The following MYT1L variants were observed in gnomAD, a reference collection of about 807,000 sequenced individuals.
MYT1L encodes the protein myelin transcription factor 1-like protein.
In MYT1L, 12 loss-of-function variants were observed where a neutral mutation model predicts 126.7. The ratio of observed to expected loss-of-function variants is 0.09; its 90% CI spans 0.06 to 0.15. The LOEUF is 0.15. Ranked by LOEUF, MYT1L falls within the 10% of genes least tolerant of loss-of-function variation. MYT1L has a pLI of 1.00. For missense variants in MYT1L, 979 were observed against 1,585.2 expected (o/e 0.62, Z 6.49); for synonymous variants, 541 against 604.2 (o/e 0.90, Z 1.53).
Position 1,808,411 on chromosome 2 carries a change from G to A in MYT1L, c.3172+665C>T, listed in dbSNP as rs76109720. Among the ~76,000 whole-genome samples the A allele has an allele frequency of 9.0e-3, 1,366 of 152,280 alleles. 16 individuals carry two copies. Among genetic ancestry groups the A allele is most frequent in the African/African-American group, 0.03 (1,267 of 41,562 alleles). On this transcript the variant is annotated intron_variant, in intron 22 of 24. Coordinates refer to ENST00000647738, the MANE Select transcript of MYT1L (RefSeq NM_001303052.2). ...CGAGTGCACAGGACTAACTACAAAA[G>A]CACTGAGATCATTGCCTGCGTCTAC...
At chr2:2,268,275 A>G (rs1233476560) in intron 2 of MYT1L, among the ~76,000 whole-genome samples, 1 of 152,206 alleles carries the variant, frequency 6.6e-6, no homozygotes, top group Non-Finnish European at 1.5e-5. Context: ...CCTCTATAAT[A>G]CAGAAATTTA....
chr2:2,032,802 CA>C (rs2066497634), intron 4 of MYT1L, among the ~76,000 whole-genome samples: 2 of 120,260 alleles, frequency 1.7e-5, no homozygotes, highest in African/African-American at 3.3e-5. Flanking sequence ...GCCTTACACA[CA>C]CCCTCGCCAG....
At chr2:2,299,239 C>G (rs1052167060) in intron 1 of MYT1L, among the ~76,000 whole-genome samples, 1 of 152,204 alleles carries the variant, frequency 6.6e-6, no homozygotes, top group Non-Finnish European at 1.5e-5. Context: ...CTAAGAATTT[C>G]TCTAAGGGGG....
At chr2:2,086,347 T>A (rs887703004) in intron 3 of MYT1L, among the ~76,000 whole-genome samples, 1 of 152,236 alleles carries the variant, frequency 6.6e-6, no homozygotes, top group Admixed American at 6.5e-5. Context: ...ATTATTTGTA[T>A]AATTACATTA....
Position 1,889,555 on chromosome 2 carries a change from T to C in MYT1L, c.2284-78A>G. ...ACGAGTCCTTCCTCCCAGATTACAG[T>C]CCTGCCGTCAGCCAGTGTAGCGTTC... On this transcript the variant is annotated intron_variant, in intron 15 of 24. Coordinates refer to ENST00000647738, the MANE Select transcript of MYT1L (RefSeq NM_001303052.2). This position sits in a 1 kb window ranked among gnomAD's most constrained non-coding sequence, Gnocchi z 4.1. 1.7e-6 allele frequency: 2 copies of C among 1,193,464 alleles called. No homozygotes were observed. 73.9% of individuals were successfully genotyped at this position (1,193,464 alleles called of 1,614,324 possible). A position where few individuals can be genotyped will look rare whatever the true frequency, so the allele number is the denominator to read the frequency against.
intron 2 of MYT1L, among the ~76,000 whole-genome samples, chr2:2,262,938 T>TATATATATA (rs2095021239): frequency 2.6e-5 from 1 of 37,954 alleles, no homozygotes; most frequent in African/African-American, 1.2e-4. Context: ...ATATAACCTG[T>TATATATATA]GATATATATA....
chr2:1,998,143 C>G (rs2062033967), intron 4 of MYT1L, among the ~76,000 whole-genome samples: 1 of 152,134 alleles, frequency 6.6e-6, no homozygotes, highest in South Asian at 2.1e-4. Context: ...CCTCGGGGAG[C>G]CTTGGGTGGT....
At chr2:2,315,514 T>G (rs1327427446) in intron 1 of MYT1L, among the ~76,000 whole-genome samples, 1 of 152,202 alleles carries the variant, frequency 6.6e-6, no homozygotes, top group African/African-American at 2.4e-5. Context: ...CTATAGATTT[T>G]TGTGGGCTTT....
At chr2:2,150,929 G>GAGGT (rs2085681273) in intron 3 of MYT1L, among the ~76,000 whole-genome samples, 1 of 147,862 alleles carries the variant, frequency 6.8e-6, no homozygotes, top group South Asian at 2.3e-4. Context: ...GGGAGGGAGG[G>GAGGT]AGATGGAGGG....
At chr2:1,986,363 T>A (rs535856028) in intron 5 of MYT1L, among the ~76,000 whole-genome samples, 1 of 152,070 alleles carries the variant, frequency 6.6e-6, no homozygotes, top group African/African-American at 2.4e-5. Context: ...AAGCCAGAAG[T>A]CAGCAAGGAG....
rs575613013 is a variant in MYT1L, at chr2:2,318,366, C to A, written c.-521+12601G>T. Among the ~76,000 whole-genome samples the A allele has an allele frequency of 2.0e-5, 3 of 152,266 alleles. No individual in the cohort carries two copies. In the East Asian group the frequency reaches 5.8e-4, roughly 29 times the overall value. On this transcript the variant is annotated intron_variant, in intron 1 of 24. Transcript: ENST00000647738. ...AAATTTGCCTTTCCACTCTTACTAACCCCTAGGATCAGATACTGTTTTGAT... is the reference window on the plus strand; with the variant it reads ...AAATTTGCCTTTCCACTCTTACTAAACCCTAGGATCAGATACTGTTTTGAT...
At chr2:2,312,437 C>A (rs2095988295) in intron 1 of MYT1L, among the ~76,000 whole-genome samples, 1 of 151,834 alleles carries the variant, frequency 6.6e-6, no homozygotes, top group African/African-American at 2.4e-5. Context: ...ATGGTGAAAC[C>A]CCATCTCTAT....
chr2:2,198,798 C>T (rs1160355300), intron 2 of MYT1L, among the ~76,000 whole-genome samples: 1 of 152,060 alleles, frequency 6.6e-6, no homozygotes, highest in Non-Finnish European at 1.5e-5. Flanking sequence ...GCAGAGGTTG[C>T]AGTGAGCACT....
intron 4 of MYT1L, among the ~76,000 whole-genome samples, chr2:2,031,817 T>C (rs1299456217): frequency 7.3e-6 from 1 of 137,358 alleles, no homozygotes; most frequent in African/African-American, 2.9e-5. Flanking sequence ...GAGCAGATTC[T>C]AGAAGGAGGG....
At position 1,879,797 on chromosome 2, in the gene MYT1L, T is replaced by C. The variant is rs143057020; in HGVS notation, c.2711+6742A>G. Among the ~76,000 whole-genome samples, 6 of 152,242 alleles carry C rather than the reference T, an allele frequency of 3.9e-5. No individual in the cohort carries two copies. In the East Asian group the frequency reaches 1.2e-3, roughly 29 times the overall value. On this transcript the variant is annotated intron_variant, in intron 18 of 24. Transcript: ENST00000647738. ...CCGGAAGTTAAAAAATCAATGTATT[T>C]AAAAATTTTTGAAATAGGTTGTATA...
At chr2:2,070,922 T>C (rs2074523483) in intron 3 of MYT1L, among the ~76,000 whole-genome samples, 1 of 152,082 alleles carries the variant, frequency 6.6e-6, no homozygotes, top group Non-Finnish European at 1.5e-5. Context: ...ATTTTGAAGA[T>C]AAAATGAGAC....
At chr2:2,020,185 G>A (rs1436623001) in intron 4 of MYT1L, among the ~76,000 whole-genome samples, 2 of 152,086 alleles carry the variant, frequency 1.3e-5, no homozygotes, top group Non-Finnish European at 2.9e-5. Flanking sequence ...AGGATTGGTG[G>A]GGGCTGTTAT....
At chr2:1,865,100 G>A (rs528172047) in intron 18 of MYT1L, among the ~76,000 whole-genome samples, 10 of 152,318 alleles carry the variant, frequency 6.6e-5, no homozygotes, top group Non-Finnish European at 8.8e-5. Context: ...GGGTGTCAGC[G>A]TGCTAACCCT....
chr2:1,879,618 G>A (rs992891386), intron 18 of MYT1L, among the ~76,000 whole-genome samples: 3 of 152,126 alleles, frequency 2.0e-5, no homozygotes, highest in Non-Finnish European at 2.9e-5. Context: ...AAAAATGTGT[G>A]TGTGCAAAGT....
Sources: gnomAD v4.1 joint callset for allele counts (sites outside exome capture counted in the v4.1 genomes callset) on GRCh38, gnomAD v4.1.1 for gene constraint, Gnocchi (gnomAD v3.1) non-coding constraint, MANE v1.5 for transcripts, NCBI Gene and HGNC (gene_info 2026-07-23, HGNC 2026-07-21) for gene names.